Variants in BZW2 observed in about 807,000 individuals in gnomAD.
BZW2 encodes the protein basic leucine zipper and W2 domains 2.
BZW2 carries 23 observed loss-of-function variants against 53.2 expected under a neutral mutation model. The observed-to-expected ratio is 0.43, with a 90% CI of 0.31 to 0.61. The LOEUF (loss-of-function observed/expected upper bound fraction) is 0.61, where lower values mean the gene tolerates loss of function less well. Among genes scored for constraint, BZW2 ranks in the 20% least tolerant of loss-of-function variants. BZW2 has a pLI of 0.09. For missense variants in BZW2, 409 were observed against 503.1 expected (o/e 0.81, Z 1.79); for synonymous variants, 227 against 186.4 (o/e 1.22, Z -1.77).
intron 1 of BZW2, among the ~76,000 whole-genome samples, chr7:16,654,690 A>G (rs1483341730): frequency 7.0e-6 from 1 of 143,584 alleles, no homozygotes; most frequent in Non-Finnish European, 1.5e-5. Context: ...GTGCAACACC[A>G]TGCCTGGCTA....
chr7:16,662,588 G>T (rs1490693337), intron 1 of BZW2, among the ~76,000 whole-genome samples: 2 of 150,696 alleles, frequency 1.3e-5, no homozygotes, highest in Non-Finnish European at 3.0e-5. Flanking sequence ...TTTTAGGAAG[G>T]ACTCACACTT....
chr7:16,664,326 A>G (rs1782355874), intron 1 of BZW2, among the ~76,000 whole-genome samples: 1 of 152,248 alleles, frequency 6.6e-6, no homozygotes, highest in Non-Finnish European at 1.5e-5. Flanking sequence ...ACTGCTAAAG[A>G]AAAACAAAGC....
intron 7 of BZW2, among the ~76,000 whole-genome samples, chr7:16,693,738 G>T (rs888884485): frequency 1.3e-5 from 2 of 152,206 alleles, no homozygotes; most frequent in Non-Finnish European, 2.9e-5. Flanking sequence ...CAGTGACGCA[G>T]TTTCAGTGTG....
chr7:16,654,450 A>G (rs1399893026), intron 1 of BZW2, among the ~76,000 whole-genome samples: 2 of 150,826 alleles, frequency 1.3e-5, no homozygotes, highest in African/African-American at 4.9e-5. Flanking sequence ...TTTAAATTGT[A>G]TTTTAGCATA....
intron 1 of BZW2, among the ~76,000 whole-genome samples, chr7:16,661,045 G>C (rs993420699): frequency 1.3e-5 from 2 of 152,104 alleles, no homozygotes; most frequent in African/African-American, 4.8e-5. Context: ...TACAAAAAAT[G>C]TTGTGTTCCC....
At chr7:16,696,823 GC>G in intron 8 of BZW2, 91 bp from the exon 9 acceptor site, 4 of 1,337,902 alleles carry the variant, frequency 3.0e-6, no homozygotes, top group Non-Finnish European at 3.2e-6. Flanking sequence ...TTTCTTAGCT[GC>G]CCCAAAACCT....
chr7:16,698,686 T>A (rs775002571), intron 10 of BZW2, among the ~76,000 whole-genome samples: 4 of 152,344 alleles, frequency 2.6e-5, no homozygotes, highest in Non-Finnish European at 5.9e-5. Flanking sequence ...TCACATTTAC[T>A]GTCTTTTCAT....
intron 3 of BZW2, 113 bp downstream of exon 3, chr7:16,674,701 A>C: frequency 7.4e-6 from 7 of 950,524 alleles, no homozygotes; most frequent in Non-Finnish European, 1.0e-5. Context: ...AGTTAATAAA[A>C]ATACAAATGG....
chr7:16,650,033 A>G (rs991151838), intron 1 of BZW2, among the ~76,000 whole-genome samples: 7 of 152,194 alleles, frequency 4.6e-5, no homozygotes, highest in Non-Finnish European at 1.0e-4. Context: ...AACACAACAT[A>G]AGAAAGTAAT....
chr7:16,691,480 G>A (rs1039177021), intron 7 of BZW2, among the ~76,000 whole-genome samples: 20 of 152,194 alleles, frequency 1.3e-4, no homozygotes, highest in African/African-American at 4.6e-4. Context: ...CTTTTCATTC[G>A]GGCACAGGCT....
chr7:16,684,977 A>G (rs1403243757), intron 5 of BZW2, among the ~76,000 whole-genome samples: 1 of 152,224 alleles, frequency 6.6e-6, no homozygotes, highest in East Asian at 1.9e-4. Flanking sequence ...TATCAATGCC[A>G]GTGAATTTTG....
At chr7:16,704,986 G>A (rs537585282) in intron 11 of BZW2, among the ~76,000 whole-genome samples, 1 of 152,182 alleles carries the variant, frequency 6.6e-6, no homozygotes, top group South Asian at 2.1e-4. Flanking sequence ...GAATTCTATA[G>A]ATTTTTATGA....
At chr7:16,679,798 G>T (rs1782881924) in intron 3 of BZW2, among the ~76,000 whole-genome samples, 1 of 152,190 alleles carries the variant, frequency 6.6e-6, no homozygotes, top group Non-Finnish European at 1.5e-5. Context: ...AACATTTGTT[G>T]TGTATATGAA....
intron 1 of BZW2, among the ~76,000 whole-genome samples, chr7:16,663,908 G>A (rs1782340826): frequency 6.6e-6 from 1 of 152,046 alleles, no homozygotes; most frequent in South Asian, 2.1e-4. Context: ...TTTTTAAATT[G>A]TGTATTAAAT....
At chr7:16,649,640 T>G (rs1022299489) in intron 1 of BZW2, among the ~76,000 whole-genome samples, 3 of 152,204 alleles carry the variant, frequency 2.0e-5, no homozygotes, top group African/African-American at 7.2e-5. Context: ...ACATTTGACT[T>G]TTTTTCCTTA....
At chr7:16,705,264 C>T (rs985711618) in intron 11 of BZW2, among the ~76,000 whole-genome samples, 2 of 151,996 alleles carry the variant, frequency 1.3e-5, no homozygotes, top group Non-Finnish European at 2.9e-5. Flanking sequence ...GAGGGTGAGG[C>T]AGGAGAACCA....
chr7:16,667,959 A>C (rs968659940), intron 2 of BZW2, among the ~76,000 whole-genome samples: 3 of 152,238 alleles, frequency 2.0e-5, no homozygotes, highest in Non-Finnish European at 4.4e-5. Flanking sequence ...TTATTGTTTA[A>C]AGCAGTCTTG....
chr7:16,699,228 G>A (rs1320342716), intron 10 of BZW2, among the ~76,000 whole-genome samples: 3 of 152,182 alleles, frequency 2.0e-5, no homozygotes, highest in Non-Finnish European at 4.4e-5. Context: ...GCCACTTGAA[G>A]TTCAGTAATT....
intron 5 of BZW2, 97 bp from the exon 6 acceptor site, chr7:16,685,806 TCA>T: frequency 7.2e-7 from 1 of 1,380,858 alleles, no homozygotes; most frequent in Non-Finnish European, 9.5e-7. Flanking sequence ...CCATGGATGT[TCA>T]CAGTTTATCT....
Sources: allele counts gnomAD v4.1 joint callset (sites outside exome capture counted in the v4.1 genomes callset), GRCh38; gene constraint gnomAD v4.1.1; transcripts MANE v1.5; gene names NCBI Gene and HGNC (gene_info 2026-07-23, HGNC 2026-07-21).